Variants in HSD17B12 observed in about 807,000 individuals in gnomAD.
HSD17B12 encodes the protein hydroxysteroid 17-beta dehydrogenase 12, also known as very-long-chain 3-oxoacyl-CoA reductase.
HSD17B12 carries 32 observed loss-of-function variants against 39.3 expected under a neutral mutation model. The observed-to-expected ratio is 0.81, with a 90% CI of 0.61 to 1.09. The LOEUF is 1.09. Ranked by LOEUF, HSD17B12 falls within the 50% of genes least tolerant of loss-of-function variation. The pLI is 0.00. For synonymous variants in HSD17B12, 150 were observed against 146.7 expected, an observed-to-expected ratio of 1.02 and a Z score of -0.16; for missense variants, 342 against 382.9, an observed-to-expected ratio of 0.89 and a Z score of 0.89.
intron 1 of HSD17B12, among the ~76,000 whole-genome samples, chr11:43,747,212 A>T (rs748840595): frequency 2.0e-5 from 3 of 152,240 alleles, no homozygotes; most frequent in Non-Finnish European, 4.4e-5. Flanking sequence ...CCTAGCAAGG[A>T]GACTAGAATC....
chr11:43,664,051 T>A, the HSD17B12 span, among the ~76,000 whole-genome samples: 1 of 151,882 alleles, frequency 6.6e-6, no homozygotes, highest in Non-Finnish European at 1.5e-5. Flanking sequence ...GGTTTCATCA[T>A]ATTGGTCAGG....
At chr11:43,804,308 C>A (rs564333804) in intron 4 of HSD17B12, among the ~76,000 whole-genome samples, 5 of 152,326 alleles carry the variant, frequency 3.3e-5, no homozygotes, top group African/African-American at 2.4e-5. Flanking sequence ...GTAGCATCCT[C>A]AGCTGGTACA....
chr11:43,580,801 C>G, the HSD17B12 span, among the ~76,000 whole-genome samples: 2 of 151,798 alleles, frequency 1.3e-5, no homozygotes, highest in South Asian at 2.1e-4. Flanking sequence ...ATTTTTTTCT[C>G]CCTCCCCCTT....
rs185434529 is a variant in HSD17B12, at chr11:43,777,684, C to T, written c.284-20636C>T. Among the ~76,000 whole-genome samples, 1,402 of 152,210 alleles carry T rather than the reference C, an allele frequency of 9.2e-3. 16 individuals are homozygous for T. Among genetic ancestry groups the T allele is most frequent in the African/African-American group, 0.033 (1,370 of 41,530 alleles). On this transcript the variant is annotated intron_variant, in intron 3 of 10. Transcript: ENST00000278353. Reference sequence around the variant, plus strand: ...AAGAGAGGGCATCCCTGTCTTGTGCCAGTTTTCAAAGGGAATGCCTCCAGT... The same window carrying T: ...AAGAGAGGGCATCCCTGTCTTGTGCTAGTTTTCAAAGGGAATGCCTCCAGT...
chr11:43,697,855 C>G (rs1229378062), intron 1 of HSD17B12, among the ~76,000 whole-genome samples: 1 of 152,140 alleles, frequency 6.6e-6, no homozygotes, highest in Admixed American at 6.6e-5. Context: ...ATCCCACAGG[C>G]CCTTGAGTCT....
intron 7 of HSD17B12, among the ~76,000 whole-genome samples, chr11:43,835,304 A>G (rs542207000): frequency 1.3e-5 from 2 of 152,170 alleles, no homozygotes; most frequent in South Asian, 4.1e-4. Context: ...TAGATGGAGG[A>G]TTAGAGCTAG....
intron 9 of HSD17B12, among the ~76,000 whole-genome samples, chr11:43,847,351 A>G (rs2135141457): frequency 6.6e-6 from 1 of 152,314 alleles, no homozygotes; most frequent in South Asian, 2.1e-4. Flanking sequence ...GGACTTTTTC[A>G]TTCTTAGCAG....
the HSD17B12 span, among the ~76,000 whole-genome samples, chr11:43,593,746 CA>C: frequency 6.9e-6 from 1 of 145,544 alleles, no homozygotes; most frequent in South Asian, 2.2e-4. Flanking sequence ...TAGTGAGCAA[CA>C]AAGAAAAAAA....
chr11:43,754,344 G>C (rs570237774), intron 3 of HSD17B12, among the ~76,000 whole-genome samples: 1 of 152,066 alleles, frequency 6.6e-6, no homozygotes, highest in Non-Finnish European at 1.5e-5. Context: ...AGGCTGAGGC[G>C]GGTGGATTAC....
At chr11:43,735,688 A>G (rs142106510) in intron 1 of HSD17B12, among the ~76,000 whole-genome samples, 1 of 152,120 alleles carries the variant, frequency 6.6e-6, no homozygotes, top group Admixed American at 6.5e-5. Flanking sequence ...CTCTCATTCT[A>G]TGTGTGGGTT....
At chr11:43,629,623 A>G in the HSD17B12 span, among the ~76,000 whole-genome samples, 1 of 152,202 alleles carries the variant, frequency 6.6e-6, no homozygotes, top group Non-Finnish European at 1.5e-5. Context: ...CCCAAAGGAC[A>G]TAGTACTTGG....
chr11:43,672,697 C>T, the HSD17B12 span, among the ~76,000 whole-genome samples: 4 of 152,090 alleles, frequency 2.6e-5, no homozygotes. Flanking sequence ...CCTGCCACCA[C>T]ACCCGGCTCA....
chr11:43,763,176 G>C (rs1950568001), intron 3 of HSD17B12, among the ~76,000 whole-genome samples: 1 of 152,122 alleles, frequency 6.6e-6, no homozygotes. Context: ...TTTGTGAAGA[G>C]ACTAATCGTT....
the HSD17B12 span, among the ~76,000 whole-genome samples, chr11:43,564,985 C>T: frequency 3.3e-5 from 5 of 151,558 alleles, no homozygotes; most frequent in Admixed American, 6.6e-5. Context: ...CTGCAACCTC[C>T]GTCTCCTGGG....
the HSD17B12 span, among the ~76,000 whole-genome samples, chr11:43,596,171 G>C: frequency 6.6e-6 from 1 of 152,008 alleles, no homozygotes; most frequent in Non-Finnish European, 1.5e-5. Context: ...CATTACAGGA[G>C]TGAGCCACTG....
At chr11:43,665,798 C>G in the HSD17B12 span, among the ~76,000 whole-genome samples, 1 of 152,150 alleles carries the variant, frequency 6.6e-6, no homozygotes, top group African/African-American at 2.4e-5. Flanking sequence ...CACAAGCATG[C>G]CTTGTCTAAA....
the HSD17B12 span, among the ~76,000 whole-genome samples, chr11:43,611,508 T>C: frequency 6.6e-6 from 1 of 152,216 alleles, no homozygotes; most frequent in South Asian, 2.1e-4. Flanking sequence ...CAATTAAGAA[T>C]TTACTGTATA....
the HSD17B12 span, among the ~76,000 whole-genome samples, chr11:43,633,808 C>T: frequency 0.085 from 12,847 of 151,966 alleles, 1,232 homozygotes; most frequent in African/African-American, 0.24. Flanking sequence ...GGCACGGTGG[C>T]TCACACTTGT....
chr11:43,680,720 G>A, upstream of HSD17B12: 1 of 972,508 alleles, frequency 1.0e-6, no homozygotes. Context: ...AAGTGGTGTC[G>A]GAGCAGCGCC....
Sources: gnomAD v4.1 joint callset for allele counts (sites outside exome capture counted in the v4.1 genomes callset) on GRCh38, gnomAD v4.1.1 for gene constraint, MANE v1.5 for transcripts, NCBI Gene and HGNC (gene_info 2026-07-23, HGNC 2026-07-21) for gene names.